Variants in CEMIP2 observed in about 807,000 individuals in gnomAD.
CEMIP2 encodes the protein cell migration inducing hyaluronidase 2, also known as cell surface hyaluronidase CEMIP2.
In CEMIP2, 79 loss-of-function variants were observed where a neutral mutation model predicts 146.9. The observed-to-expected ratio is 0.54, with a 90% CI of 0.45 to 0.65. The LOEUF (loss-of-function observed/expected upper bound fraction) is 0.65, where lower values mean the gene tolerates loss of function less well. CEMIP2 is among the 30% of genes least tolerant of loss of function. The probability of loss-of-function intolerance (pLI) is 0.00; values close to 1 mark genes in which losing one functional copy is unlikely to be tolerated. For missense variants in CEMIP2, 1,596 were observed against 1,696.2 expected (o/e 0.94, Z 1.04); for synonymous variants, 601 against 606.3 (o/e 0.99, Z 0.13).
chr9:71,724,372 A>G (rs1240321863), intron 11 of CEMIP2, among the ~76,000 whole-genome samples: 1 of 152,214 alleles, frequency 6.6e-6, no homozygotes, highest in African/African-American at 2.4e-5. Context: ...GAGGATTTCT[A>G]CTATGAAATG....
At chr9:71,744,549 A>T (rs771253801) in intron 4 of CEMIP2, among the ~76,000 whole-genome samples, 4 of 152,052 alleles carry the variant, frequency 2.6e-5, no homozygotes, top group Admixed American at 1.3e-4. Context: ...AGGAGTCCGA[A>T]AAAAGAAAAA....
intron 1 of CEMIP2, among the ~76,000 whole-genome samples, chr9:71,756,660 T>C (rs1284263509): frequency 1.3e-5 from 2 of 151,998 alleles, no homozygotes; most frequent in African/African-American, 2.4e-5. Flanking sequence ...CAGGAGAAAA[T>C]TGAGAACAAT....
At position 71,730,815 on chromosome 9, in the gene CEMIP2, C is replaced by T. The variant is rs964096743; in HGVS notation, c.1663G>A (p.Gly555Ser). 1.4e-5 allele frequency: 23 copies of T among 1,614,064 alleles called. No individual in the cohort carries two copies. In the African/African-American group the frequency reaches 2.4e-4, roughly 17 times the overall value. Residue 555 changes from glycine to serine, a missense_variant, in exon 8 of 24, where the codon GGT (glycine) becomes AGT (serine). Transcript: ENST00000377044. ...GRYPVHFHLC[G>S]DVDYKGGYRH... Reference sequence around the variant, plus strand: ...TATCCTCCTTTATAATCCACGTCACCACACAGGTGAAAATGAACAGGGTAT... The same window carrying T: ...TATCCTCCTTTATAATCCACGTCACTACACAGGTGAAAATGAACAGGGTAT...
In CEMIP2 at chr9:71,745,546, G is replaced by A. The variant is rs894816142; in HGVS notation, c.506C>T (p.Ser169Phe). ...LLVFGDNKDG[S>F]RNITLRTHYI... Reference sequence around the variant, plus strand: ...ATGAGTCCTCAAAGTAATATTTCTGGATCCATCTTTATTGTCCCCAAATAC... The same window carrying A: ...ATGAGTCCTCAAAGTAATATTTCTGAATCCATCTTTATTGTCCCCAAATAC... The change falls in exon 4 of 24, where the codon TCC (serine) becomes TTC (phenylalanine). Residue 169 changes from serine to phenylalanine, a missense_variant. Physicochemically the swap from Ser to Phe is radical, Grantham distance 155. Transcript: ENST00000377044. 2 of 1,611,104 alleles carry A rather than the reference G, an allele frequency of 1.2e-6. No individual in the cohort carries two copies. Among genetic ancestry groups the A allele is most frequent in the African/African-American group, 1.3e-5 (1 of 74,860 alleles).
intron 1 of CEMIP2, among the ~76,000 whole-genome samples, chr9:71,763,847 T>C (rs962209740): frequency 1.3e-5 from 2 of 152,364 alleles, no homozygotes; most frequent in South Asian, 2.1e-4. Context: ...GACATTTTAA[T>C]AAAAACCCTA....
chr9:71,717,609 G>A (rs1823101721), intron 13 of CEMIP2, among the ~76,000 whole-genome samples: 1 of 152,146 alleles, frequency 6.6e-6, no homozygotes, highest in African/African-American at 2.4e-5. Flanking sequence ...AAACTAAGGA[G>A]TTTTCAAGAG....
intron 10 of CEMIP2, among the ~76,000 whole-genome samples, chr9:71,728,297 A>ATG (rs1823501813): frequency 7.3e-5 from 3 of 41,310 alleles, no homozygotes; most frequent in African/African-American, 3.2e-4. Context: ...ATATATATAT[A>ATG]TATACATATA....
At chr9:71,711,072 C>T (rs1822892212) in intron 16 of CEMIP2, among the ~76,000 whole-genome samples, 1 of 152,128 alleles carries the variant, frequency 6.6e-6, no homozygotes, top group Admixed American at 6.5e-5. Flanking sequence ...CTGTCTTGTG[C>T]CATTGCCACC....
intron 10 of CEMIP2, among the ~76,000 whole-genome samples, chr9:71,728,275 A>ACACG (rs71353512): frequency 0.026 from 334 of 12,698 alleles, 63 homozygotes; most frequent in East Asian, 0.11. Flanking sequence ...ATATATATAT[A>ACACG]TATATGTATA....
chr9:71,744,742 T>C (rs895555555), intron 4 of CEMIP2, among the ~76,000 whole-genome samples: 5 of 151,944 alleles, frequency 3.3e-5, no homozygotes, highest in Non-Finnish European at 5.9e-5. Context: ...TTAAACTGCC[T>C]GACTGTTTTT....
intron 1 of CEMIP2, among the ~76,000 whole-genome samples, chr9:71,752,469 G>C (rs1237410770): frequency 1.7e-4 from 15 of 89,822 alleles, no homozygotes; most frequent in Non-Finnish European, 2.3e-4. Flanking sequence ...AGGAAGGAAG[G>C]AAGGAAGGAA....
chr9:71,751,149 C>T (rs2132021780), intron 1 of CEMIP2, among the ~76,000 whole-genome samples: 1 of 152,310 alleles, frequency 6.6e-6, no homozygotes, highest in East Asian at 1.9e-4. Flanking sequence ...AATTCAATGG[C>T]ATTACGTACA....
At chr9:71,726,959 T>TA (rs1823403034) in intron 10 of CEMIP2, among the ~76,000 whole-genome samples, 1 of 152,142 alleles carries the variant, frequency 6.6e-6, no homozygotes, top group African/African-American at 2.4e-5. Flanking sequence ...TGTTTCCTGT[T>TA]AAAACACAGT....
Position 71,704,609 on chromosome 9 carries a change from G to C in CEMIP2, c.3180C>G (p.Leu1060=), listed in dbSNP as rs372416639. The C allele has an allele frequency of 6.2e-7, 1 of 1,613,922 alleles. No homozygotes were observed. The change falls in exon 18 of 24, where the codon CTC becomes CTG. Residue 1060 remains leucine, a synonymous_variant. Coordinates refer to ENST00000377044, the MANE Select transcript of CEMIP2 (RefSeq NM_013390.3). ...GPAPRTTFLY[L]VNFNKNDWIR... Reference sequence around the variant, plus strand: ...CAGAAACATACTTGTTGAAGTTGACGAGGTATAGAAATGTAGTCCGTGGTG... The same window carrying C: ...CAGAAACATACTTGTTGAAGTTGACCAGGTATAGAAATGTAGTCCGTGGTG...
chr9:71,714,817 G>T, intron 15 of CEMIP2, 117 bp downstream of exon 15: 1 of 1,015,032 alleles, frequency 9.9e-7, no homozygotes, highest in Non-Finnish European at 1.4e-6. Flanking sequence ...TGATAAAATA[G>T]GAAAAGAGTC....
In CEMIP2 at chr9:71,709,275, C is replaced by T. The variant is rs375894689; in HGVS notation, c.2969G>A (p.Ser990Asn). ...TAAGCCTACCTGTGCATAGGTCCCACTGCAGATCACTGCATTCCACTTAGA... is the reference window on the plus strand; with the variant it reads ...TAAGCCTACCTGTGCATAGGTCCCATTGCAGATCACTGCATTCCACTTAGA... The part of the protein sequence containing the change: ...NVSKWNAVIC[S>N]GTYAQVYVQT... Residue 990 changes from serine to asparagine, a missense_variant, in exon 17 of 24, where the codon AGT (serine) becomes AAT (asparagine). Physicochemically the swap from Ser to Asn is conservative, Grantham distance 46. Coordinates refer to ENST00000377044, the MANE Select transcript of CEMIP2 (RefSeq NM_013390.3). 3 of 1,614,108 alleles carry T rather than the reference C, an allele frequency of 1.9e-6. No individual in the cohort carries two copies. The African/African-American group carries it at 4.0e-5, about 22-fold the overall frequency.
intron 21 of CEMIP2, among the ~76,000 whole-genome samples, chr9:71,693,629 A>G (rs1344210583): frequency 6.6e-6 from 1 of 152,258 alleles, no homozygotes; most frequent in Non-Finnish European, 1.5e-5. Context: ...AACATTTCTT[A>G]AATGTATTTA....
At chr9:71,714,797 T>C in intron 15 of CEMIP2, 137 bp downstream of exon 15, 1 of 769,402 alleles carries the variant, frequency 1.3e-6, no homozygotes, top group Non-Finnish European at 2.0e-6. Context: ...GTAGCAGTAG[T>C]AGTAATAAAT....
intron 15 of CEMIP2, among the ~76,000 whole-genome samples, chr9:71,714,629 A>AT (rs1019412054): frequency 2.0e-5 from 3 of 152,104 alleles, no homozygotes; most frequent in African/African-American, 7.2e-5. Context: ...AAGAAAAAAA[A>AT]CAGTTTATAT....
Sources: allele counts gnomAD v4.1 joint callset (sites outside exome capture counted in the v4.1 genomes callset), GRCh38; gene constraint gnomAD v4.1.1; transcripts MANE v1.5; gene names NCBI Gene and HGNC (gene_info 2026-07-23, HGNC 2026-07-21).